The following ZRANB1 variants were observed in gnomAD, a reference collection of about 807,000 sequenced individuals.
ZRANB1 encodes zinc finger RANBP2-type containing 1.
ZRANB1 carries 16 observed loss-of-function variants against 80.5 expected under a neutral mutation model. That is an observed-to-expected ratio of 0.20 (90% CI 0.13 to 0.30). The LOEUF is 0.30. Among genes scored for constraint, ZRANB1 ranks in the 10% least tolerant of loss-of-function variants. The pLI is 1.00. For missense variants in ZRANB1, 576 were observed against 862.6 expected, an observed-to-expected ratio of 0.67 and a Z score of 4.16; for synonymous variants, 291 against 293.1, an observed-to-expected ratio of 0.99 and a Z score of 0.07.
chr10:124,987,217 A>ATGAT lies in ZRANB1; in HGVS notation c.*2227_*2230dup, dbSNP rs1952072855. ...GATAGAATATAGTCCTTTTTCAAAG[A>ATGAT]TGATTATACGTGGCTAGGTGACAGA... On this transcript the variant is annotated 3_prime_UTR_variant, in exon 9 of 9. Coordinates refer to ENST00000359653, the MANE Select transcript of ZRANB1 (RefSeq NM_017580.3). 1 of 152,576 alleles carries ATGAT rather than the reference A, an allele frequency of 6.6e-6. No individual in the cohort carries two copies. The highest frequency in any genetic ancestry group is 1.5e-5 in the Non-Finnish European group (1 of 68,022). 9.5% of individuals were successfully genotyped at this position (152,576 alleles called of 1,614,324 possible).
intron 3 of ZRANB1, among the ~76,000 whole-genome samples, chr10:124,972,530 G>A (rs1029618284): frequency 3.3e-5 from 5 of 152,202 alleles, no homozygotes; most frequent in African/African-American, 1.2e-4. Context: ...ATTAGAACAT[G>A]AGCTTTTGAT....
At chr10:124,972,495 T>G (rs940510363) in intron 3 of ZRANB1, among the ~76,000 whole-genome samples, 3 of 152,224 alleles carry the variant, frequency 2.0e-5, no homozygotes, top group Non-Finnish European at 2.9e-5. Context: ...ATAGCTATAT[T>G]GGTTACCTGG....
intron 1 of ZRANB1, among the ~76,000 whole-genome samples, chr10:124,966,168 G>A (rs1300340991): frequency 6.6e-6 from 1 of 152,126 alleles, no homozygotes; most frequent in Non-Finnish European, 1.5e-5. Context: ...AGAATGCAGT[G>A]TAAAGGGCAG....
intron 1 of ZRANB1, chr10:124,945,874 C>CAGGA (rs1951577877): frequency 6.6e-6 from 1 of 152,188 alleles, no homozygotes; most frequent in Non-Finnish European, 1.5e-5. Flanking sequence ...GCAGCCTTGA[C>CAGGA]TTCCTAAGCT....
At chr10:124,917,931 G>A in the ZRANB1 span, among the ~76,000 whole-genome samples, 11 of 152,282 alleles carry the variant, frequency 7.2e-5, no homozygotes, top group Admixed American at 6.5e-5. Context: ...GTGAATGCTG[G>A]CATTAAGCGC....
intron 1 of ZRANB1, among the ~76,000 whole-genome samples, chr10:124,947,236 A>G (rs1951593090): frequency 6.6e-6 from 1 of 152,210 alleles, no homozygotes; most frequent in Non-Finnish European, 1.5e-5. Flanking sequence ...TGGTAAAGGT[A>G]GAGGTGTGAA....
At chr10:124,975,826 AC>A (rs1048234321) in intron 5 of ZRANB1, among the ~76,000 whole-genome samples, 8 of 152,266 alleles carry the variant, frequency 5.3e-5, no homozygotes, top group Non-Finnish European at 1.2e-4. Context: ...ACTTGTTGAA[AC>A]CCTGTCTCTA....
Position 124,983,608 on chromosome 10 carries a change from G to A in ZRANB1, c.1828G>A (p.Asp610Asn), listed in dbSNP as rs1246628287. 6.2e-7 allele frequency: 1 copy of A among 1,613,954 alleles called. No homozygotes were observed. The highest frequency in any genetic ancestry group is 1.1e-5 in the South Asian group (1 of 91,062). The part of the protein sequence containing the change: ...RGAGANLNTD[D>N]DVTITFLPLV... Reference sequence around the variant, plus strand: ...TGCTGGTGCTAATCTCAATACCGATGATGATGTCACCATCACATTTTTGCC... The same window carrying A: ...TGCTGGTGCTAATCTCAATACCGATAATGATGTCACCATCACATTTTTGCC... The change falls in exon 8 of 9, where the codon GAT becomes AAT. Residue 610 changes from aspartate to asparagine, a missense_variant. By Grantham distance (23) the Asp-to-Asn change is conservative. Transcript: ENST00000359653. The surrounding 1 kb of genome is among the most constrained non-coding windows in gnomAD (Gnocchi z 6.2).
At chr10:124,930,622 G>A in the ZRANB1 span, among the ~76,000 whole-genome samples, 3 of 152,122 alleles carry the variant, frequency 2.0e-5, no homozygotes, top group East Asian at 1.9e-4. Context: ...GATGAAAGTG[G>A]TTTTTCCATA....
chr10:124,982,781 A>T (rs970548329), intron 6 of ZRANB1, among the ~76,000 whole-genome samples: 2 of 152,056 alleles, frequency 1.3e-5, no homozygotes, highest in African/African-American at 4.8e-5. Flanking sequence ...ATTTGCATGA[A>T]ACAGGCTCAC....
At chr10:124,933,138 C>CT in the ZRANB1 span, among the ~76,000 whole-genome samples, 4,828 of 132,650 alleles carry the variant, frequency 0.036, 270 homozygotes, top group African/African-American at 0.12. Context: ...TCTTTTCTTT[C>CT]TTTTTTTTTT....
the ZRANB1 span, among the ~76,000 whole-genome samples, chr10:124,917,662 G>C: frequency 6.6e-6 from 1 of 152,200 alleles, no homozygotes; most frequent in Non-Finnish European, 1.5e-5. Context: ...TGGGTCCATC[G>C]CCACAAGTTG....
Position 124,983,736 on chromosome 10 carries a change from G to GA in ZRANB1, c.1908+51dup, listed in dbSNP as rs759861928. ...TATTTCTAGTAGTGACCTTGTACCAGAAACAGCCTGAAGTGCCTTTCAGGT... is the reference window on the plus strand; with the variant it reads ...TATTTCTAGTAGTGACCTTGTACCAGAAAACAGCCTGAAGTGCCTTTCAGGT... On this transcript the variant is annotated intron_variant, in intron 8 of 8. Transcript: ENST00000359653. This position sits in a 1 kb window ranked among gnomAD's most constrained non-coding sequence, Gnocchi z 6.2. The GA allele has an allele frequency of 1.4e-5, 20 of 1,432,188 alleles. No individual in the cohort carries two copies. Among genetic ancestry groups the GA allele is most frequent in the Non-Finnish European group, 1.8e-5 (19 of 1,049,096 alleles). 88.7% of individuals were successfully genotyped at this position (1,432,188 alleles called of 1,614,324 possible).
At chr10:124,919,829 T>A in the ZRANB1 span, among the ~76,000 whole-genome samples, 1 of 149,500 alleles carries the variant, frequency 6.7e-6, no homozygotes, top group African/African-American at 2.5e-5. Flanking sequence ...GCCAGGATGG[T>A]CTCGATCTCC....
At chr10:124,944,488 C>CA in intron 1 of ZRANB1, among the ~76,000 whole-genome samples, 2 of 13,382 alleles carry the variant, frequency 1.5e-4, no homozygotes, top group Middle Eastern at 0.083. Flanking sequence ...TATCATTCCC[C>CA]CCCCCCCCCC....
Position 124,974,393 on chromosome 10 carries a change from A to T in ZRANB1, c.1422A>T (p.Ser474=). ...KALHDSLHDC[S]HWFYTRWKDW... Reference sequence around the variant, plus strand: ...TGCATGACAGCCTGCATGACTGTTCACATTGGTGAGCTGGCATTCTGCCCT... The same window carrying T: ...TGCATGACAGCCTGCATGACTGTTCTCATTGGTGAGCTGGCATTCTGCCCT... The change falls in exon 5 of 9, where the codon TCA becomes TCT. Residue 474 remains serine (S), a synonymous_variant. Coordinates refer to ENST00000359653, the MANE Select transcript of ZRANB1 (RefSeq NM_017580.3). 1 of 1,614,260 alleles carries T rather than the reference A, an allele frequency of 6.2e-7. No homozygotes were observed. Among genetic ancestry groups the T allele is most frequent in the South Asian group, 1.1e-5 (1 of 91,088 alleles).
chr10:124,978,793 A>ATTTTTT (rs35714295), intron 5 of ZRANB1, among the ~76,000 whole-genome samples: 9 of 115,436 alleles, frequency 7.8e-5, no homozygotes, highest in Non-Finnish European at 1.1e-4. Context: ...TTCCCAGCTA[A>ATTTTTT]TTTTTTTTTT....
chr10:124,958,987 G>GA (rs1255873438), intron 1 of ZRANB1, among the ~76,000 whole-genome samples: 3 of 152,144 alleles, frequency 2.0e-5, no homozygotes, highest in African/African-American at 7.2e-5. Flanking sequence ...CAGTTACTTT[G>GA]AAAAATTGTC....
At chr10:124,953,020 G>T (rs565031233) in intron 1 of ZRANB1, among the ~76,000 whole-genome samples, 2 of 151,940 alleles carry the variant, frequency 1.3e-5, no homozygotes, top group East Asian at 3.9e-4. Flanking sequence ...TGCCTCCCAG[G>T]TTCAAGTAAT....
Sources: allele counts gnomAD v4.1 joint callset (sites outside exome capture counted in the v4.1 genomes callset), GRCh38; gene constraint gnomAD v4.1.1; non-coding constraint Gnocchi (gnomAD v3.1); transcripts MANE v1.5; gene names NCBI Gene and HGNC (gene_info 2026-07-23, HGNC 2026-07-21).